The following CAPN7 variants were observed in gnomAD, a reference collection of about 807,000 sequenced individuals.
CAPN7 encodes the protein calpain 7.
Under a neutral mutation model 115.2 loss-of-function variants are expected in CAPN7, and 72 were observed. The ratio of observed to expected loss-of-function variants is 0.63; its 90% CI spans 0.52 to 0.76. The LOEUF (loss-of-function observed/expected upper bound fraction) is 0.76. Among genes scored for constraint, CAPN7 ranks in the 30% least tolerant of loss-of-function variants. The pLI, the probability that CAPN7 is intolerant of heterozygous loss-of-function variation, is 0.00. For synonymous variants in CAPN7, 344 were observed against 322.3 expected, an observed-to-expected ratio of 1.07 and a Z score of -0.72; for missense variants, 905 against 971.5, an observed-to-expected ratio of 0.93 and a Z score of 0.91.
chr3:15,220,752 G>T, intron 4 of CAPN7, 29 bp from the exon 5 acceptor site: 3 of 1,603,024 alleles, frequency 1.9e-6, no homozygotes, highest in South Asian at 1.1e-5. Flanking sequence ...AGAAAAACTA[G>T]AACAGTTGTT....
intron 1 of CAPN7, among the ~76,000 whole-genome samples, chr3:15,210,136 G>GA (rs2044848809): frequency 6.6e-6 from 1 of 151,658 alleles, no homozygotes; most frequent in African/African-American, 2.4e-5. Context: ...GAGTAGCTGG[G>GA]ACTACAGGTG....
At chr3:15,211,472 A>G (rs748758941) in intron 1 of CAPN7, among the ~76,000 whole-genome samples, 5 of 152,178 alleles carry the variant, frequency 3.3e-5, no homozygotes, top group Non-Finnish European at 5.9e-5. Flanking sequence ...GAGAGCCTGG[A>G]TAGCTCCTTC....
chr3:15,216,054 C>G (rs2045231732), intron 2 of CAPN7, among the ~76,000 whole-genome samples: 1 of 151,934 alleles, frequency 6.6e-6, no homozygotes, highest in Non-Finnish European at 1.5e-5. Flanking sequence ...CACCACTGCA[C>G]TCCAACTTGG....
intron 11 of CAPN7, among the ~76,000 whole-genome samples, chr3:15,234,188 C>T (rs1694856091): frequency 6.6e-6 from 1 of 152,072 alleles, no homozygotes; most frequent in Non-Finnish European, 1.5e-5. Flanking sequence ...TGGTGGCAGG[C>T]ACCTGTAATC....
intron 18 of CAPN7, 95 bp from the exon 19 acceptor site, chr3:15,247,232 T>C (rs1695715948): frequency 2.1e-6 from 2 of 965,296 alleles, no homozygotes; most frequent in Non-Finnish European, 1.5e-6. Flanking sequence ...AGTGGAAAAT[T>C]GCCTTTTTTT....
intron 16 of CAPN7, among the ~76,000 whole-genome samples, chr3:15,245,234 G>A (rs552058791): frequency 6.6e-6 from 1 of 150,536 alleles, no homozygotes; most frequent in South Asian, 2.1e-4. Context: ...GATCCTCTAC[G>A]GGAGAAAAAT....
At chr3:15,241,376 C>A in intron 14 of CAPN7, 77 bp from the exon 15 acceptor site, 1 of 1,436,586 alleles carries the variant, frequency 7.0e-7, no homozygotes, top group South Asian at 1.3e-5. Context: ...TAGCTTAATT[C>A]ACTTTTTGAA....
intron 4 of CAPN7, among the ~76,000 whole-genome samples, chr3:15,220,356 T>G (rs1280602473): frequency 6.6e-6 from 1 of 152,260 alleles, no homozygotes; most frequent in Non-Finnish European, 1.5e-5. Context: ...CAGAGCACCC[T>G]TCTCCAACTC....
intron 10 of CAPN7, among the ~76,000 whole-genome samples, chr3:15,233,574 T>G (rs1161788075): frequency 6.6e-6 from 1 of 152,240 alleles, no homozygotes; most frequent in Non-Finnish European, 1.5e-5. Context: ...AAAGGACTTG[T>G]GACTGCATCG....
chr3:15,240,834 G>T lies in CAPN7; in HGVS notation c.1633G>T (p.Glu545Ter). ...GAGTTGGAATCCAGGTCTTTTTAAA[G>T]AATCAACATGTATTCACAGGTAACT... ...YLSWNPGLFK[E>*]STCIHSTWDA... The change falls in exon 14 of 21, where the codon GAA becomes TAA. Residue 545 changes from glutamate to a stop codon, truncating the protein, a stop_gained. Coordinates refer to ENST00000253693, the MANE Select transcript of CAPN7 (RefSeq NM_014296.3). LOFTEE classifies it high-confidence loss of function. The T allele has an allele frequency of 6.2e-7, 1 of 1,606,904 alleles. No individual in the cohort carries two copies. The highest frequency in any genetic ancestry group is 1.1e-5 in the South Asian group (1 of 90,820).
At chr3:15,220,755 C>T (rs941116177) in intron 4 of CAPN7, 26 bp from the exon 5 acceptor site, 2 of 1,605,280 alleles carry the variant, frequency 1.2e-6, no homozygotes, top group East Asian at 2.2e-5. Context: ...AAAACTAGAA[C>T]AGTTGTTTGT....
rs1318067417 is a variant in CAPN7, at chr3:15,247,418, A to T, written c.2165A>T (p.Glu722Val). The T allele has an allele frequency of 6.2e-7, 1 of 1,610,192 alleles. No individual in the cohort carries two copies. Among genetic ancestry groups the T allele is most frequent in the Non-Finnish European group, 8.5e-7 (1 of 1,178,634 alleles). Residue 722 changes from glutamate (E) to valine (V), a missense_variant, in exon 19 of 21, where the codon GAA (glutamate) becomes GTA (valine). By Grantham distance (121) the Glu-to-Val change is moderately radical (BLOSUM62 -2). Around this residue, in one of 3 missense-constraint regions of CAPN7, gnomAD observed 620 missense variants for 703.4 expected, o/e 0.88. Coordinates refer to ENST00000253693, the MANE Select transcript of CAPN7 (RefSeq NM_014296.3). ...KNNPIYQFHIEKTGPLLIELR... is the reference protein window; with the variant it reads ...KNNPIYQFHIVKTGPLLIELR... ...AACCCCATCTACCAATTCCATATAGAAAAGACTGGGCCGTTACTGATTGAG... is the reference window on the plus strand; with the variant it reads ...AACCCCATCTACCAATTCCATATAGTAAAGACTGGGCCGTTACTGATTGAG...
rs934254136 is a variant in CAPN7, at chr3:15,217,380, G to A, written c.212-45G>A. On this transcript the variant is annotated intron_variant, in intron 2 of 20. Coordinates refer to ENST00000253693, the MANE Select transcript of CAPN7 (RefSeq NM_014296.3). Reference sequence around the variant, plus strand: ...AGTGAAAATAGTGTGTTTTCTGGCTGTATTTAGATAATACTCCTTCTGCGT... The same window carrying A: ...AGTGAAAATAGTGTGTTTTCTGGCTATATTTAGATAATACTCCTTCTGCGT... The A allele has an allele frequency of 3.5e-6, 5 of 1,441,414 alleles. No homozygotes were observed. In the East Asian group the frequency reaches 7.6e-5, roughly 22 times the overall value. 89.3% of individuals were successfully genotyped at this position (1,441,414 alleles called of 1,614,324 possible). A position where few individuals can be genotyped will look rare whatever the true frequency, so the allele number is the denominator to read the frequency against.
chr3:15,243,791 G>T (rs190585986), intron 16 of CAPN7, among the ~76,000 whole-genome samples: 2 of 152,074 alleles, frequency 1.3e-5, no homozygotes, highest in Admixed American at 6.6e-5. Flanking sequence ...TACTTGAAGT[G>T]GGGGGAGGGT....
chr3:15,227,538 C>T (rs17040879), intron 6 of CAPN7, among the ~76,000 whole-genome samples: 30 of 152,142 alleles, frequency 2.0e-4, no homozygotes, highest in African/African-American at 6.7e-4. Flanking sequence ...TTAATGGTTT[C>T]ATTTTATTGC....
At chr3:15,217,754 G>A (rs1230321349) in intron 3 of CAPN7, among the ~76,000 whole-genome samples, 172 bp downstream of exon 3, 3 of 152,112 alleles carry the variant, frequency 2.0e-5, no homozygotes, top group Admixed American at 6.5e-5. Context: ...CTAATAATGG[G>A]TTTTTGCATC....
At chr3:15,239,874 A>G (rs1012144449) in intron 12 of CAPN7, among the ~76,000 whole-genome samples, 5 of 152,216 alleles carry the variant, frequency 3.3e-5, no homozygotes, top group African/African-American at 9.6e-5. Context: ...CTGAGAAGAA[A>G]GGGTAGCTAA....
Position 15,234,937 on chromosome 3 carries a change from T to A in CAPN7, c.1287-88T>A. On this transcript the variant is annotated intron_variant, in intron 11 of 20. Transcript: ENST00000253693. ...GGGGTAGGAACAGCCCATTTTCATG[T>A]AAGCCATTAGACTAAAAGATAAAAT... The A allele has an allele frequency of 2.5e-6, 3 of 1,200,416 alleles. No individual in the cohort carries two copies. The South Asian group carries it at 5.0e-5, about 20-fold the overall frequency. 74.4% of individuals were successfully genotyped at this position (1,200,416 alleles called of 1,614,324 possible).
intron 5 of CAPN7, among the ~76,000 whole-genome samples, chr3:15,222,019 G>A (rs1030139946): frequency 1.0e-4 from 15 of 145,772 alleles, no homozygotes; most frequent in African/African-American, 3.0e-4. Flanking sequence ...TATAGTATAC[G>A]TATACGTATA....
Sources: gnomAD v4.1 joint callset for allele counts (sites outside exome capture counted in the v4.1 genomes callset) on GRCh38, gnomAD v4.1.1 for gene constraint, gnomAD v4.1.1 regional missense constraint, MANE v1.5 for transcripts, NCBI Gene and HGNC (gene_info 2026-07-23, HGNC 2026-07-21) for gene names.